Variants in PLEKHG1 observed in about 807,000 individuals in gnomAD.
The protein encoded by PLEKHG1 is pleckstrin homology domain-containing family G member 1.
In PLEKHG1, 44 loss-of-function variants were observed where a neutral mutation model predicts 100.8. The observed-to-expected ratio is 0.44, with a 90% confidence interval of 0.34 to 0.56. The LOEUF is 0.56. Ranked by LOEUF, PLEKHG1 falls within the 20% of genes least tolerant of loss-of-function variation. The pLI, the probability that PLEKHG1 is intolerant of heterozygous loss-of-function variation, is 0.01. For missense variants in PLEKHG1, 1,545 were observed against 1,720.9 expected (o/e 0.90, Z 1.81); for synonymous variants, 640 against 662.5 (o/e 0.97, Z 0.52).
chr6:150,704,707 ATTGT>A (rs1780935310), intron 3 of PLEKHG1, among the ~76,000 whole-genome samples: 1 of 152,232 alleles, frequency 6.6e-6, no homozygotes, highest in South Asian at 2.1e-4. Flanking sequence ...GCTGATGATG[ATTGT>A]TAGCCAGCTT....
At chr6:150,611,994 C>A (rs866798898) in intron 1 of PLEKHG1, among the ~76,000 whole-genome samples, 2 of 150,262 alleles carry the variant, frequency 1.3e-5, no homozygotes, top group African/African-American at 2.5e-5. Context: ...CCACCCATAA[C>A]TGGACTCATA....
At chr6:150,758,484 C>T (rs1270797910) in intron 2 of PLEKHG1, among the ~76,000 whole-genome samples, 2 of 152,136 alleles carry the variant, frequency 1.3e-5, no homozygotes, top group Admixed American at 6.5e-5. Context: ...TACAGGCACA[C>T]ACCACCACGC....
Position 150,721,781 on chromosome 6 carries a change from G to A in PLEKHG1, c.-99+581G>A, listed in dbSNP as rs1043406909. ...GAACAATGATTGGGGCAAAGGAGGC[G>A]TGGATTGTATTCAATGCCGTTGTCC... is the stretch of plus-strand genomic sequence containing the variant. On this transcript the variant is annotated intron_variant, in intron 1 of 15. Transcript: ENST00000358517. Among the ~76,000 whole-genome samples, 6 of 152,152 alleles carry A rather than the reference G, an allele frequency of 3.9e-5. No homozygotes were observed. In the South Asian group the frequency reaches 6.2e-4, roughly 16 times the overall value.
chr6:150,714,782 G>A (rs1465852302), intron 3 of PLEKHG1, among the ~76,000 whole-genome samples: 1 of 151,676 alleles, frequency 6.6e-6, no homozygotes, highest in Non-Finnish European at 1.5e-5. Context: ...GCTTTTGTCT[G>A]CTTTAGACCT....
At chr6:150,613,073 T>C (rs1380419954) in intron 1 of PLEKHG1, among the ~76,000 whole-genome samples, 3 of 152,172 alleles carry the variant, frequency 2.0e-5, no homozygotes, top group Admixed American at 6.5e-5. Flanking sequence ...TCTCATCTCC[T>C]GCTCCTCTCC....
At chr6:150,840,684 T>A (rs1777484270) in exon 16 of PLEKHG1, 1 of 1,614,220 alleles carries the variant, frequency 6.2e-7, no homozygotes, top group African/African-American at 1.3e-5. Flanking sequence ...TGATAATGTC[T>A]GCAGCGGCAA....
At chr6:150,795,968 C>T in intron 5 of PLEKHG1, 66 bp downstream of exon 6, 1 of 991,278 alleles carries the variant, frequency 1.0e-6, no homozygotes, top group East Asian at 2.4e-5. Flanking sequence ...TCAGCTGGTG[C>T]AGTACACATG....
intron 10 of PLEKHG1, among the ~76,000 whole-genome samples, 179 bp downstream of exon 11, chr6:150,809,913 G>C (rs1453638047): frequency 6.9e-6 from 1 of 145,200 alleles, no homozygotes; most frequent in Non-Finnish European, 1.5e-5. Flanking sequence ...AAAGAGTTTA[G>C]AATTAGAATC....
intron 2 of PLEKHG1, among the ~76,000 whole-genome samples, chr6:150,763,774 G>A (rs1180415788): frequency 1.3e-5 from 2 of 152,218 alleles, no homozygotes; most frequent in African/African-American, 4.8e-5. Context: ...AGACAGATGG[G>A]TCCCCATGTA....
intron 6 of PLEKHG1, among the ~76,000 whole-genome samples, chr6:150,803,899 C>T (rs1194394156): frequency 2.0e-5 from 3 of 151,938 alleles, no homozygotes; most frequent in Non-Finnish European, 4.4e-5. Flanking sequence ...TTTCTGAGAA[C>T]TGTATAACAT....
intron 1 of PLEKHG1, among the ~76,000 whole-genome samples, chr6:150,612,058 C>CGT (rs745525578): frequency 2.0e-5 from 2 of 101,746 alleles, no homozygotes; most frequent in African/African-American, 6.7e-5. Flanking sequence ...CCCCCCCCCC[C>CGT]CCTTTTCTAG....
intron 3 of PLEKHG1, among the ~76,000 whole-genome samples, chr6:150,698,575 C>CA (rs5880893): frequency 0.58 from 86,893 of 149,076 alleles, 25,248 homozygotes; most frequent in African/African-American, 0.7. Flanking sequence ...TACACTATAA[C>CA]AATACAGTAA....
At chr6:150,741,019 C>T (rs912131784) in intron 2 of PLEKHG1, among the ~76,000 whole-genome samples, 1 of 152,194 alleles carries the variant, frequency 6.6e-6, no homozygotes, top group Non-Finnish European at 1.5e-5. Flanking sequence ...ACCTCAACAA[C>T]AGCAGCACAA....
chr6:150,786,241 C>A, intron 3 of PLEKHG1, 149 bp from the exon 5 acceptor site: 2 of 629,648 alleles, frequency 3.2e-6, no homozygotes, highest in Non-Finnish European at 5.6e-6. Context: ...CTTACCTAAG[C>A]CTTGGATACA....
intron 2 of PLEKHG1, among the ~76,000 whole-genome samples, chr6:150,762,459 A>G (rs1784212790): frequency 6.6e-6 from 1 of 151,912 alleles, no homozygotes; most frequent in Non-Finnish European, 1.5e-5. Context: ...TCGGCCTCAG[A>G]AAGTACTGGG....
At chr6:150,634,085 C>CA (rs1190724325) in intron 1 of PLEKHG1, among the ~76,000 whole-genome samples, 41 of 145,852 alleles carry the variant, frequency 2.8e-4, no homozygotes, top group African/African-American at 1.0e-3. Flanking sequence ...CTACTAACAA[C>CA]AACAAAAAAA....
intron 14 of PLEKHG1, chr6:150,828,442 A>G: frequency 1.4e-6 from 2 of 1,424,134 alleles, no homozygotes; most frequent in Admixed American, 2.3e-5. Context: ...GGATTTTTTA[A>G]AAAAGGAAAA....
intron 1 of PLEKHG1, among the ~76,000 whole-genome samples, chr6:150,636,478 T>C (rs1326761515): frequency 2.5e-5 from 1 of 39,636 alleles, no homozygotes; most frequent in East Asian, 5.5e-4. Flanking sequence ...AGTTGGTCCC[T>C]TTTTTTTTTC....
chr6:150,728,994 T>C (rs1264210769), intron 1 of PLEKHG1, among the ~76,000 whole-genome samples: 1 of 152,214 alleles, frequency 6.6e-6, no homozygotes, highest in Admixed American at 6.5e-5. Flanking sequence ...ATACAAAAAT[T>C]ATTAATGAGG....
Sources: gnomAD v4.1 joint callset for allele counts (sites outside exome capture counted in the v4.1 genomes callset) on GRCh38, gnomAD v4.1.1 for gene constraint, MANE v1.5 for transcripts, NCBI Gene and HGNC (gene_info 2026-07-23, HGNC 2026-07-21) for gene names.